CD163L1: variants seen among roughly 807,000 people sequenced by gnomAD.
CD163L1 encodes the protein CD163 molecule like 1, also known as scavenger receptor cysteine-rich type 1 protein M160.
Under a neutral mutation model 165.4 loss-of-function variants are expected in CD163L1, and 124 were observed. The ratio of observed to expected loss-of-function variants is 0.75; its 90% CI spans 0.65 to 0.87. The LOEUF (loss-of-function observed/expected upper bound fraction) is 0.87, where lower values mean the gene tolerates loss of function less well. CD163L1 is among the 40% of genes least tolerant of loss of function. CD163L1 has a pLI of 0.00. For missense variants in CD163L1, 1,525 were observed against 1,799.9 expected (o/e 0.85, Z 2.76); for synonymous variants, 585 against 662.2 (o/e 0.88, Z 1.79).
In CD163L1 at chr12:7,369,589, T is replaced by G; in HGVS notation, c.3807A>C (p.Thr1269=). ...VEIWHAGSWG[T]VCDDSWDLAE... ...CCAGGTCCCAGGAGTCATCACACAC[T>G]GTGCCCCAGGAGCCTGCGTGCCAGA... The change falls in exon 15 of 20, where the codon ACA becomes ACC. Residue 1269 remains threonine, a synonymous_variant. Coordinates refer to ENST00000313599, the MANE Select transcript of CD163L1 (RefSeq NM_174941.6). The surrounding 1 kb of genome is among the most constrained non-coding windows in gnomAD (Gnocchi z 4.9). 6.2e-7 allele frequency: 1 copy of G among 1,614,162 alleles called. No homozygotes were observed. The highest frequency in any genetic ancestry group is 8.5e-7 in the Non-Finnish European group (1 of 1,180,004).
At chr12:7,364,462 T>C (rs943312020) in intron 18 of CD163L1, among the ~76,000 whole-genome samples, 3 of 152,078 alleles carry the variant, frequency 2.0e-5, no homozygotes. Context: ...GAGAAAGACA[T>C]ATGGGGCATC....
chr12:7,335,903 A>C, the CD163L1 span, among the ~76,000 whole-genome samples: 2 of 144,584 alleles, frequency 1.4e-5, no homozygotes, highest in East Asian at 2.0e-4. Flanking sequence ...AAACACATGA[A>C]AAAATGCTCA....
chr12:7,406,962 T>C (rs1948034660), intron 4 of CD163L1, 110 bp from the exon 5 acceptor site: 10 of 979,580 alleles, frequency 1.0e-5, no homozygotes, highest in Middle Eastern at 2.6e-4. Flanking sequence ...TGAGATTCAA[T>C]GAATGTCTAA....
At chr12:7,399,517 C>T (rs1947872586) in intron 6 of CD163L1, among the ~76,000 whole-genome samples, 6 of 13,784 alleles carry the variant, frequency 4.4e-4, no homozygotes, top group African/African-American at 1.7e-3. Context: ...CCCTCCCTCC[C>T]TCTCTTTCTT....
chr12:7,403,907 C>T (rs1306663233), intron 5 of CD163L1, 52 bp from the exon 6 acceptor site: 4 of 1,484,038 alleles, frequency 2.7e-6, no homozygotes, highest in African/African-American at 1.4e-5. Context: ...ACAATATCAT[C>T]AGCATCCCTC....
the CD163L1 span, among the ~76,000 whole-genome samples, chr12:7,333,660 TAGAG>T: frequency 6.6e-6 from 1 of 151,878 alleles, no homozygotes; most frequent in African/African-American, 2.4e-5. Context: ...CTGAAGGAGA[TAGAG>T]ACTCAAAAAA....
chr12:7,320,953 G>A, the CD163L1 span: 11 of 729,974 alleles, frequency 1.5e-5, no homozygotes, highest in Admixed American at 4.3e-5. Context: ...GTCGGAGGAC[G>A]GTCGTATGCA....
chr12:7,421,499 G>GTATATATATACATATATA (rs1948410060), intron 4 of CD163L1, among the ~76,000 whole-genome samples: 2 of 88,522 alleles, frequency 2.3e-5, no homozygotes, highest in Non-Finnish European at 3.8e-5. Context: ...ATACATATAT[G>GTATATATATACATATATA]TACATATACA....
chr12:7,439,121 TTTTG>T (rs1948779274), intron 2 of CD163L1: 2 of 1,573,092 alleles, frequency 1.3e-6, no homozygotes, highest in Middle Eastern at 1.7e-4. Flanking sequence ...ACTTTTAGTG[TTTTG>T]TTTCTCTTCT....
intron 8 of CD163L1, among the ~76,000 whole-genome samples, chr12:7,391,230 A>T (rs1947647556): frequency 6.6e-6 from 1 of 152,188 alleles, no homozygotes; most frequent in Non-Finnish European, 1.5e-5. Flanking sequence ...AACATCGAAG[A>T]CCAAAGGTAG....
intron 4 of CD163L1, among the ~76,000 whole-genome samples, chr12:7,424,967 C>T (rs1283532620): frequency 1.3e-5 from 2 of 152,084 alleles, no homozygotes; most frequent in East Asian, 1.9e-4. Flanking sequence ...ACTTTCTTTA[C>T]AGAACTAGAA....
intron 8 of CD163L1, among the ~76,000 whole-genome samples, chr12:7,390,516 A>C (rs1947630933): frequency 6.6e-6 from 1 of 152,192 alleles, no homozygotes; most frequent in Non-Finnish European, 1.5e-5. Context: ...AAAAATAATA[A>C]GAGAATAGTG....
chr12:7,382,424 G>T (rs1194597702), intron 8 of CD163L1, among the ~76,000 whole-genome samples: 1 of 152,152 alleles, frequency 6.6e-6, no homozygotes, highest in Non-Finnish European at 1.5e-5. Context: ...CTGGAATCCA[G>T]CAGGGAAGTG....
At chr12:7,324,184 G>T in the CD163L1 span, 1 of 1,460,340 alleles carries the variant, frequency 6.8e-7, no homozygotes. Context: ...TATATAAGTA[G>T]GATGTGTAAT....
chr12:7,426,104 T>C (rs191122778), intron 4 of CD163L1, among the ~76,000 whole-genome samples: 10 of 152,264 alleles, frequency 6.6e-5, no homozygotes, highest in Middle Eastern at 3.4e-3. Context: ...TGGAATACTA[T>C]GCAGCCATAA....
At chr12:7,440,093 A>G in intron 2 of CD163L1, 3 of 929,706 alleles carry the variant, frequency 3.2e-6, no homozygotes, top group Non-Finnish European at 5.0e-6. Context: ...GCGTAACGGA[A>G]GCCGACCAAT....
At chr12:7,403,424 G>GT (rs888701903) in intron 6 of CD163L1, 111 bp downstream of exon 6, 6,637 of 974,268 alleles carry the variant, frequency 6.8e-3, no homozygotes, top group Non-Finnish European at 8.1e-3. Flanking sequence ...AGTATTTTGG[G>GT]TTTTTTTTTA....
intron 4 of CD163L1, among the ~76,000 whole-genome samples, chr12:7,421,421 A>ACATATATATACACATATATATACC (rs1948389228): frequency 8.2e-6 from 1 of 122,588 alleles, no homozygotes; most frequent in Admixed American, 8.4e-5. Flanking sequence ...ATGTATATAT[A>ACATATATATACACATATATATACC]CATATATGTA....
chr12:7,438,325 TA>T (rs983815808), intron 2 of CD163L1, among the ~76,000 whole-genome samples: 7 of 152,178 alleles, frequency 4.6e-5, no homozygotes, highest in African/African-American at 1.4e-4. Context: ...CAAAGCCATA[TA>T]AAAATAATTT....
Sources: gnomAD v4.1 joint callset for allele counts (sites outside exome capture counted in the v4.1 genomes callset) on GRCh38, gnomAD v4.1.1 for gene constraint, Gnocchi (gnomAD v3.1) non-coding constraint, MANE v1.5 for transcripts, NCBI Gene and HGNC (gene_info 2026-07-23, HGNC 2026-07-21) for gene names.